Variants in CSRNP3 observed in about 807,000 individuals in gnomAD.
CSRNP3 encodes cysteine/serine-rich nuclear protein 3.
Under a neutral mutation model 48.0 loss-of-function variants are expected in CSRNP3, and 12 were observed. The observed-to-expected ratio is 0.25, with a 90% CI of 0.16 to 0.41. CSRNP3 has a LOEUF of 0.41. CSRNP3 is among the 10% of genes least tolerant of loss of function. The pLI, the probability that CSRNP3 is intolerant of heterozygous loss-of-function variation, is 1.00. For synonymous variants in CSRNP3, 263 were observed against 269.7 expected (o/e 0.98, Z 0.24); for missense variants, 580 against 724.4 (o/e 0.80, Z 2.29).
At chr2:165,519,913 A>G (rs58829532) in intron 3 of CSRNP3, among the ~76,000 whole-genome samples, 3,190 of 152,268 alleles carry the variant, frequency 0.021, 107 homozygotes, top group African/African-American at 0.073. Context: ...GCACTACATA[A>G]TTTACACAAA....
At chr2:165,544,051 T>TA (rs1051378395) in intron 3 of CSRNP3, among the ~76,000 whole-genome samples, 60 of 151,898 alleles carry the variant, frequency 4.0e-4, no homozygotes, top group African/African-American at 1.4e-3. Context: ...TCTGTATATG[T>TA]AAAATATACA....
chr2:165,503,882 C>A (rs1363336707), intron 2 of CSRNP3, among the ~76,000 whole-genome samples: 1 of 151,804 alleles, frequency 6.6e-6, no homozygotes, highest in African/African-American at 2.4e-5. Context: ...TTAATTTAGT[C>A]ATAGGATATA....
chr2:165,580,093 T>G (rs1018236033), intron 3 of CSRNP3, among the ~76,000 whole-genome samples: 3 of 151,966 alleles, frequency 2.0e-5, no homozygotes, highest in Non-Finnish European at 2.9e-5. Context: ...CACGCCTGGC[T>G]AATTTTTTGT....
intron 2 of CSRNP3, among the ~76,000 whole-genome samples, chr2:165,510,850 G>A (rs1336236630): frequency 3.3e-5 from 5 of 152,086 alleles, no homozygotes; most frequent in Non-Finnish European, 7.4e-5. Context: ...CTAAATTTTG[G>A]ATTCATCAAT....
chr2:165,548,708 T>C lies in CSRNP3; in HGVS notation c.-24+30747T>C, dbSNP rs1443668231. ...CTAAAAATCAAAAGAAACATAACCCTAAAGAGCAAGTACCTAAAATCTACC... is the reference window on the plus strand; with the variant it reads ...CTAAAAATCAAAAGAAACATAACCCCAAAGAGCAAGTACCTAAAATCTACC... On this transcript the variant is annotated intron_variant, in intron 3 of 6. Coordinates refer to ENST00000651982, the MANE Select transcript of CSRNP3 (RefSeq NM_001172173.2). Among the ~76,000 whole-genome samples the C allele has an allele frequency of 2.6e-5, 4 of 151,990 alleles. No individual in the cohort carries two copies. The East Asian group carries it at 5.8e-4, about 22-fold the overall frequency.
intron 3 of CSRNP3, among the ~76,000 whole-genome samples, chr2:165,582,472 C>T (rs936241646): frequency 2.0e-5 from 3 of 152,092 alleles, no homozygotes; most frequent in South Asian, 4.1e-4. Flanking sequence ...GCAGCCAAGA[C>T]GACAGTGAAG....
intron 4 of CSRNP3, among the ~76,000 whole-genome samples, chr2:165,653,916 G>A (rs763634966): frequency 2.6e-4 from 33 of 126,742 alleles, no homozygotes; most frequent in South Asian, 1.1e-3. Flanking sequence ...AGGTTGCAGT[G>A]AACCGAGATC....
intron 3 of CSRNP3, among the ~76,000 whole-genome samples, chr2:165,531,997 A>G (rs1396634034): frequency 6.6e-6 from 1 of 152,194 alleles, no homozygotes; most frequent in Non-Finnish European, 1.5e-5. Flanking sequence ...CATCCTCCCA[A>G]GACGAAACCA....
At chr2:165,579,750 G>C (rs1685510009) in intron 3 of CSRNP3, among the ~76,000 whole-genome samples, 2 of 152,052 alleles carry the variant, frequency 1.3e-5, no homozygotes, top group Non-Finnish European at 2.9e-5. Flanking sequence ...TTGGTGTTTA[G>C]AAATATTGAA....
chr2:165,568,434 G>A (rs1685325104), intron 3 of CSRNP3, among the ~76,000 whole-genome samples: 1 of 152,052 alleles, frequency 6.6e-6, no homozygotes, highest in Non-Finnish European at 1.5e-5. Flanking sequence ...ATTATAGTTA[G>A]TAAAGCTCTT....
rs1687475205 is a variant in CSRNP3 at position 165,678,922 on chromosome 2, A to G, written c.927A>G (p.Val309=). Residue 309 remains valine, a synonymous_variant, in exon 7 of 7, where the codon GTA becomes GTG. Transcript: ENST00000651982. ...SSSMGPVAHS[V]EYSIADSFEI... ...CTATGGGCCCTGTCGCTCACTCCGT[A>G]GAATATTCAATCGCAGACAGTTTTG... is the stretch of plus-strand genomic sequence containing the variant. The G allele has an allele frequency of 6.2e-7, 1 of 1,613,946 alleles. No homozygotes were observed. The highest frequency in any genetic ancestry group is 1.3e-5 in the African/African-American group (1 of 74,918).
intron 3 of CSRNP3, among the ~76,000 whole-genome samples, chr2:165,535,776 T>C (rs373530856): frequency 7.9e-5 from 12 of 151,850 alleles, no homozygotes; most frequent in African/African-American, 2.7e-4. Context: ...AGCAAACATA[T>C]TGAGAACCTG....
chr2:165,650,012 A>G (rs1686878866), intron 4 of CSRNP3, among the ~76,000 whole-genome samples: 1 of 152,150 alleles, frequency 6.6e-6, no homozygotes, highest in African/African-American at 2.4e-5. Context: ...AAAATAACAG[A>G]TCAGCTTATA....
chr2:165,673,178 C>CTCAGGCTA (rs1434711249), intron 5 of CSRNP3, among the ~76,000 whole-genome samples: 1 of 116,362 alleles, frequency 8.6e-6, no homozygotes, highest in Admixed American at 1.2e-4. Flanking sequence ...CACTCTGTCA[C>CTCAGGCTA]TCAGGCTATA....
At chr2:165,608,083 T>C (rs1310956021) in intron 4 of CSRNP3, among the ~76,000 whole-genome samples, 1 of 149,984 alleles carries the variant, frequency 6.7e-6, no homozygotes, top group Non-Finnish European at 1.5e-5. Context: ...ATATATATAT[T>C]ATATATATAT....
Position 165,679,427 on chromosome 2 carries a change from G to A in CSRNP3, c.1432G>A (p.Val478Ile), listed in dbSNP as rs1417494652. The change falls in exon 7 of 7, where the codon GTT (valine) becomes ATT (isoleucine). Residue 478 changes from valine to isoleucine, a missense_variant. Around this residue, in one of 4 missense-constraint regions of CSRNP3, gnomAD observed 369 missense variants for 380.8 expected, o/e 0.97. Coordinates refer to ENST00000651982, the MANE Select transcript of CSRNP3 (RefSeq NM_001172173.2). ...TTACACCATGACCCCGGAGCAATTC[G>A]TTGACTATGCCCGACAAGCAGAAGA... Reference protein sequence around the residue: ...VPYTMTPEQFVDYARQAEEAY... With the variant: ...VPYTMTPEQFIDYARQAEEAY... 7 of 1,612,866 alleles carry A rather than the reference G, an allele frequency of 4.3e-6. No homozygotes were observed. Among genetic ancestry groups the A allele is most frequent in the East Asian group, 4.5e-5 (2 of 44,716 alleles).
At position 165,683,441 on chromosome 2, in the gene CSRNP3, T is replaced by A. The variant is rs1299721109; in HGVS notation, c.*3688T>A. 2.0e-5 allele frequency: 3 copies of A among 152,096 alleles called. No individual in the cohort carries two copies. Among genetic ancestry groups the A allele is most frequent in the Admixed American group, 6.6e-5 (1 of 15,236 alleles). The allele number at this position is 152,096 out of a possible 1,614,324, so 9.4% of individuals were successfully genotyped here. A position where few individuals can be genotyped will look rare whatever the true frequency, so the allele number is the denominator to read the frequency against. ...AAGCAAAGAGAGTATGTTAAGTGGCTATGTTCTTTAAAATTTTACATTCTA... is the reference window on the plus strand; with the variant it reads ...AAGCAAAGAGAGTATGTTAAGTGGCAATGTTCTTTAAAATTTTACATTCTA... On this transcript the variant is annotated 3_prime_UTR_variant, in exon 7 of 7. Transcript: ENST00000651982.
At chr2:165,582,873 C>G (rs1318817235) in intron 3 of CSRNP3, among the ~76,000 whole-genome samples, 1 of 152,242 alleles carries the variant, frequency 6.6e-6, no homozygotes, top group African/African-American at 2.4e-5. Context: ...TAAAGTAACT[C>G]AGTCCTTTAA....
At chr2:165,612,481 AT>A (rs1362033080) in intron 4 of CSRNP3, among the ~76,000 whole-genome samples, 1 of 151,826 alleles carries the variant, frequency 6.6e-6, no homozygotes, top group Non-Finnish European at 1.5e-5. Flanking sequence ...ATTGTTAGCC[AT>A]TTTCACCCTA....
Sources: allele counts gnomAD v4.1 joint callset (sites outside exome capture counted in the v4.1 genomes callset), GRCh38; gene constraint gnomAD v4.1.1; regional missense constraint gnomAD v4.1.1; transcripts MANE v1.5; gene names NCBI Gene and HGNC (gene_info 2026-07-23, HGNC 2026-07-21).